Variants in CSMD3 observed in about 807,000 individuals in gnomAD.
The protein encoded by CSMD3 is CUB and Sushi multiple domains 3, also known as CUB and sushi domain-containing protein 3.
In CSMD3, 177 loss-of-function variants were observed where a neutral mutation model predicts 435.2. That is an observed-to-expected ratio of 0.41 (90% confidence interval 0.36 to 0.46). CSMD3 has a LOEUF of 0.46. Ranked by LOEUF, CSMD3 falls within the 20% of genes least tolerant of loss-of-function variation. The pLI is 0.34. For synonymous variants in CSMD3, 1,656 were observed against 1,520.5 expected (o/e 1.09, Z -2.07); for missense variants, 4,265 against 4,504.6 (o/e 0.95, Z 1.52).
At chr8:112,923,631 AT>A (rs543357619) in intron 9 of CSMD3, among the ~76,000 whole-genome samples, 137 of 152,162 alleles carry the variant, frequency 9.0e-4, no homozygotes, top group Non-Finnish European at 1.4e-3. Flanking sequence ...AGCTACGCCT[AT>A]TCCATTATCT....
At chr8:112,691,767 T>C (rs576946255) in intron 13 of CSMD3, among the ~76,000 whole-genome samples, 1 of 152,030 alleles carries the variant, frequency 6.6e-6, no homozygotes, top group East Asian at 1.9e-4. Context: ...AACCAGTGTT[T>C]GCTGTTGATA....
intron 47 of CSMD3, among the ~76,000 whole-genome samples, chr8:112,314,872 T>C (rs1365595638): frequency 2.0e-5 from 3 of 151,978 alleles, no homozygotes; most frequent in Non-Finnish European, 4.4e-5. Context: ...AATACATAAA[T>C]AAAATATAAG....
intron 18 of CSMD3, among the ~76,000 whole-genome samples, chr8:112,651,095 A>G (rs1241178034): frequency 1.3e-5 from 2 of 152,154 alleles, no homozygotes; most frequent in East Asian, 1.9e-4. Context: ...AATATCTCCA[A>G]ATACTGCTAC....
In CSMD3 at chr8:112,762,112, T is replaced by C. The variant is rs574832379; in HGVS notation, c.1972+38050A>G. On this transcript the variant is annotated intron_variant, in intron 13 of 70. Coordinates refer to ENST00000297405, the MANE Select transcript of CSMD3 (RefSeq NM_198123.2). ...GTCACCACCAGATGGCATTCTTGTGTCTTTGATCATACACACTTATTTCTG... is the reference window on the plus strand; with the variant it reads ...GTCACCACCAGATGGCATTCTTGTGCCTTTGATCATACACACTTATTTCTG... Among the ~76,000 whole-genome samples, 4 of 152,106 alleles carry C rather than the reference T, an allele frequency of 2.6e-5. No individual in the cohort carries two copies. The South Asian group carries it at 8.3e-4, about 32-fold the overall frequency.
intron 32 of CSMD3, among the ~76,000 whole-genome samples, chr8:112,411,621 A>G (rs1811361404): frequency 1.3e-5 from 2 of 152,070 alleles, no homozygotes; most frequent in African/African-American, 4.8e-5. Context: ...GATTTCCCAC[A>G]CATTATCATA....
chr8:112,295,647 A>G (rs1331993138), intron 54 of CSMD3, among the ~76,000 whole-genome samples, 186 bp downstream of exon 54: 2 of 151,914 alleles, frequency 1.3e-5, no homozygotes, highest in Non-Finnish European at 2.9e-5. Flanking sequence ...GATAAAATAT[A>G]ACTGAAATTC....
chr8:112,688,613 A>G (rs531007504), intron 14 of CSMD3, among the ~76,000 whole-genome samples: 2 of 152,170 alleles, frequency 1.3e-5, no homozygotes, highest in East Asian at 3.9e-4. Context: ...TGTAAGTTTT[A>G]TAATTTTTTG....
At chr8:112,270,095 A>C (rs1817324118) in intron 59 of CSMD3, among the ~76,000 whole-genome samples, 1 of 152,134 alleles carries the variant, frequency 6.6e-6, no homozygotes. Context: ...TTAGACTTGC[A>C]ATTTTCCAAC....
At chr8:113,153,651 C>T (rs2091876904) in intron 4 of CSMD3, among the ~76,000 whole-genome samples, 1 of 151,916 alleles carries the variant, frequency 6.6e-6, no homozygotes, top group African/African-American at 2.4e-5. Flanking sequence ...GAAAGAGTTG[C>T]CATTAAAGGT....
intron 7 of CSMD3, among the ~76,000 whole-genome samples, chr8:112,959,912 T>C (rs2084165680): frequency 6.6e-6 from 1 of 151,868 alleles, no homozygotes; most frequent in Admixed American, 6.6e-5. Context: ...GATTAGGAGT[T>C]AGCAGACCTA....
intron 68 of CSMD3, among the ~76,000 whole-genome samples, chr8:112,232,521 A>C (rs1330026307): frequency 6.6e-6 from 1 of 152,136 alleles, no homozygotes; most frequent in Admixed American, 6.5e-5. Context: ...AGGCAGGAGA[A>C]TCGCTTGAAC....
chr8:112,740,853 G>C (rs2077289748), intron 13 of CSMD3, among the ~76,000 whole-genome samples: 3 of 151,858 alleles, frequency 2.0e-5, no homozygotes, highest in Admixed American at 1.3e-4. Flanking sequence ...AGAGCAACAG[G>C]TTTAGGAATG....
chr8:113,118,805 G>T (rs964411872), intron 4 of CSMD3, among the ~76,000 whole-genome samples: 1 of 152,182 alleles, frequency 6.6e-6, no homozygotes, highest in Non-Finnish European at 1.5e-5. Flanking sequence ...CCAGCAAGGT[G>T]ATGGCACAAT....
chr8:113,090,710 T>C (rs563995691), intron 5 of CSMD3, among the ~76,000 whole-genome samples: 108 of 152,276 alleles, frequency 7.1e-4, no homozygotes, highest in Non-Finnish European at 1.2e-3. Flanking sequence ...TGTCTTGTTA[T>C]GCTTACATAT....
intron 38 of CSMD3, among the ~76,000 whole-genome samples, chr8:112,366,314 C>A (rs192715518): frequency 9.2e-5 from 14 of 152,292 alleles, no homozygotes; most frequent in South Asian, 4.1e-4. Context: ...CTTTCTACTG[C>A]AACAATGCTC....
intron 3 of CSMD3, among the ~76,000 whole-genome samples, chr8:113,267,762 C>T (rs2093483993): frequency 6.6e-6 from 1 of 151,558 alleles, no homozygotes; most frequent in Non-Finnish European, 1.5e-5. Context: ...TCAATCACTA[C>T]ATATTTTATA....
chr8:112,917,046 C>T (rs2082593542), intron 10 of CSMD3, among the ~76,000 whole-genome samples: 1 of 151,752 alleles, frequency 6.6e-6, no homozygotes, highest in Admixed American at 6.6e-5. Context: ...ACCCATTTTT[C>T]CATTGTTTAT....
intron 63 of CSMD3, 133 bp downstream of exon 63, chr8:112,254,120 G>A (rs1815555571): frequency 1.3e-6 from 1 of 752,906 alleles, no homozygotes; most frequent in Non-Finnish European, 2.4e-6. Context: ...TTTGCTGTCT[G>A]TTACCCTTTT....
Position 112,263,711 on chromosome 8 carries a change from C to T in CSMD3, c.9790G>A (p.Glu3264Lys), listed in dbSNP as rs763248305. Residue 3264 changes from glutamate (E) to lysine (K), a missense_variant, in exon 61 of 71, where the codon GAG becomes AAG. By Grantham distance (56) the Glu-to-Lys change is moderately conservative (BLOSUM62 1). Coordinates refer to ENST00000297405, the MANE Select transcript of CSMD3 (RefSeq NM_198123.2). ...SISYICSPGY[E>K]LSFPAVLTCV... is the part of the protein sequence containing the mutation. Reference sequence around the variant, plus strand: ...GTCAAAACAGCAGGGAAGGATAGCTCATAGCCTGGAGAACAGATGTAGCTA... The same window carrying T: ...GTCAAAACAGCAGGGAAGGATAGCTTATAGCCTGGAGAACAGATGTAGCTA... The T allele has an allele frequency of 5.6e-6, 9 of 1,613,672 alleles. No individual in the cohort carries two copies. Among genetic ancestry groups the T allele is most frequent in the Non-Finnish European group, 7.6e-6 (9 of 1,179,788 alleles).
Sources: allele counts gnomAD v4.1 joint callset (sites outside exome capture counted in the v4.1 genomes callset), GRCh38; gene constraint gnomAD v4.1.1; transcripts MANE v1.5; gene names NCBI Gene and HGNC (gene_info 2026-07-23, HGNC 2026-07-21).